UGT2B11: variants seen among roughly 807,000 people sequenced by gnomAD.
UGT2B11 encodes UDP glucuronosyltransferase family 2 member B11.
UGT2B11 carries 49 observed loss-of-function variants against 51.7 expected under a neutral mutation model. The ratio of observed to expected loss-of-function variants is 0.95; its 90% CI spans 0.75 to 1.20. The LOEUF (loss-of-function observed/expected upper bound fraction) is 1.20, where lower values mean the gene tolerates loss of function less well. Among genes scored for constraint, UGT2B11 ranks in the 50% most tolerant of loss-of-function variants. UGT2B11 has a pLI of 0.00. For synonymous variants in UGT2B11, 273 were observed against 209.0 expected, an observed-to-expected ratio of 1.31 and a Z score of -2.64; for missense variants, 810 against 622.1, an observed-to-expected ratio of 1.30 and a Z score of -3.21.
chr4:69,202,362 G>A lies in UGT2B11; in HGVS notation c.1311-1643C>T, dbSNP rs150541367. On this transcript the variant is annotated intron_variant, in intron 5 of 5. Transcript: ENST00000446444. ...TTACTTCTTGACTGTAAATTTTTTT[G>A]AAGTGTATTTTGTTAATTTCCAAAA... Among the ~76,000 whole-genome samples the A allele has an allele frequency of 7.1e-3, 1,070 of 151,708 alleles. 12 individuals are homozygous for A. Among genetic ancestry groups the A allele is most frequent in the African/African-American group, 0.024 (991 of 41,482 alleles).
upstream of UGT2B11, among the ~76,000 whole-genome samples, chr4:69,218,068 C>T (rs1297592760): frequency 2.0e-5 from 3 of 152,136 alleles, no homozygotes; most frequent in Admixed American, 2.0e-4. Flanking sequence ...CTTTGGAGCA[C>T]TCAAACATTC....
chr4:69,209,524 T>A (rs1414306340), intron 2 of UGT2B11, among the ~76,000 whole-genome samples: 6 of 151,746 alleles, frequency 4.0e-5, no homozygotes, highest in Non-Finnish European at 7.4e-5. Flanking sequence ...TTAAGTATTT[T>A]CAGATTTAAT....
the UGT2B11 span, among the ~76,000 whole-genome samples, chr4:69,220,935 T>A: frequency 6.6e-6 from 1 of 152,168 alleles, no homozygotes; most frequent in Non-Finnish European, 1.5e-5. Context: ...TTCCATGTCA[T>A]CATTTAATTC....
chr4:69,220,519 A>G, the UGT2B11 span, among the ~76,000 whole-genome samples: 54 of 150,156 alleles, frequency 3.6e-4, no homozygotes, highest in African/African-American at 1.3e-3. Context: ...TTTCTTCATG[A>G]TTGTCTCAAC....
At position 69,200,614 on chromosome 4, in the gene UGT2B11, T is replaced by C. The variant is rs1312985484; in HGVS notation, c.1416A>G (p.Gly472=). The change falls in exon 6 of 6, where the codon GGA becomes GGG. Residue 472 remains glycine (G), a synonymous_variant. Transcript: ENST00000446444. The part of the protein sequence containing the change: ...FWIEFVMPHK[G]AKHLRVAAHD... ...GGGCTGCAACTCGAAGGTGTTTGGC[T>C]CCTTTGTGGGGCATGACAAATTCAA... is the stretch of plus-strand genomic sequence containing the variant. 3.7e-6 allele frequency: 6 copies of C among 1,612,464 alleles called. 2 individuals are homozygous for C. The South Asian group carries it at 6.6e-5, about 18-fold the overall frequency.
In UGT2B11 at chr4:69,205,521, T is replaced by C. The variant is rs752134479; in HGVS notation, c.1049A>G (p.Asn350Ser). 14 of 1,610,618 alleles carry C rather than the reference T, an allele frequency of 8.7e-6. No individual in the cohort carries two copies. Among genetic ancestry groups the C allele is most frequent in the South Asian group, 1.1e-5 (1 of 90,982 alleles). The change falls in exon 4 of 6, where the codon AAT (asparagine) becomes AGT (serine). Residue 350 changes from asparagine (N) to serine (S), a missense_variant. Coordinates refer to ENST00000446444, the MANE Select transcript of UGT2B11 (RefSeq NM_001073.3). The part of the protein sequence containing the change: ...DGNKPDALGL[N>S]TRLYKWIPQN... ...GGGTATCCACTTGTACAGCCGAGTA[T>C]TGAGACCTAAGGCATCTGGTTTATT...
chr4:69,200,559 A>T lies in UGT2B11; in HGVS notation c.1471T>A (p.Leu491Met). ...HDLTWFQYHS[L>M]DVIGFLLACV... ...GCCAGCAGAAACCCAATCACATCCA[A>T]AGAGTGGTACTGGAACCAGGTGAGG... Residue 491 changes from leucine to methionine, a missense_variant, in exon 6 of 6, where the codon TTG becomes ATG. Coordinates refer to ENST00000446444, the MANE Select transcript of UGT2B11 (RefSeq NM_001073.3). 1.2e-6 allele frequency: 2 copies of T among 1,612,374 alleles called. No individual in the cohort carries two copies. Among genetic ancestry groups the T allele is most frequent in the Non-Finnish European group, 1.7e-6 (2 of 1,178,974 alleles).
At chr4:69,209,733 G>A (rs529660818) in intron 2 of UGT2B11, among the ~76,000 whole-genome samples, 46 of 151,572 alleles carry the variant, frequency 3.0e-4, no homozygotes, top group African/African-American at 1.1e-3. Context: ...GTTACCTGTA[G>A]CCACATTTAA....
At chr4:69,212,855 A>G (rs1722125786) in intron 1 of UGT2B11, 134 bp from the exon 2 acceptor site, 2 of 728,334 alleles carry the variant, frequency 2.7e-6, no homozygotes, top group Non-Finnish European at 3.7e-6. Flanking sequence ...ATAAATATAT[A>G]TGAATAATAT....
At position 69,214,728 on chromosome 4, in the gene UGT2B11, T is replaced by G; in HGVS notation, c.-6A>C. ...GAAGTCCATTTCAGAGTCATCCTGG[T>G]GCAATGCGATCATTCTTTTCCAGTC... On this transcript the variant is annotated 5_prime_UTR_variant, in exon 1 of 6. Transcript: ENST00000446444. 1.9e-6 allele frequency: 3 copies of G among 1,609,466 alleles called. No individual in the cohort carries two copies. Among genetic ancestry groups the G allele is most frequent in the Middle Eastern group, 3.3e-4 (2 of 6,020 alleles).
At chr4:69,219,498 C>T (rs1447254463), upstream of UGT2B11, among the ~76,000 whole-genome samples, 1 of 151,200 alleles carries the variant, frequency 6.6e-6, no homozygotes, top group Non-Finnish European at 1.5e-5. Flanking sequence ...GTTTATGATA[C>T]TGTACTAGCG....
intron 2 of UGT2B11, among the ~76,000 whole-genome samples, chr4:69,208,710 C>T (rs920053635): frequency 6.6e-6 from 1 of 151,436 alleles, no homozygotes; most frequent in African/African-American, 2.4e-5. Context: ...ATGTATGTGT[C>T]TGCATGTGTG....
At chr4:69,206,123 G>A (rs4406085) in intron 3 of UGT2B11, among the ~76,000 whole-genome samples, 119,777 of 150,764 alleles carry the variant, frequency 0.79, 47,734 homozygotes, top group Non-Finnish European at 0.82. Flanking sequence ...CCCATTACTG[G>A]GTATATAAGC....
intron 4 of UGT2B11, 37 bp downstream of exon 4, chr4:69,205,443 T>C (rs753162187): frequency 5.6e-6 from 9 of 1,596,040 alleles, no homozygotes; most frequent in Admixed American, 1.7e-5. Context: ...AATGTGCAGT[T>C]ACTAATATAT....
the UGT2B11 span, among the ~76,000 whole-genome samples, chr4:69,222,492 A>G: frequency 2.0e-5 from 3 of 152,242 alleles, no homozygotes; most frequent in African/African-American, 7.2e-5. Context: ...AAGTATCCCA[A>G]TGAGGGTCTA....
At position 69,203,708 on chromosome 4, in the gene UGT2B11, AAAC is replaced by A. The variant is rs545243447; in HGVS notation, c.1310+719_1310+721del. 1.9e-3 allele frequency among the ~76,000 whole-genome samples: 286 copies of A among 151,898 alleles called. 4 individuals are homozygous for A. Among genetic ancestry groups the A allele is most frequent in the African/African-American group, 6.7e-3 (279 of 41,518 alleles). On this transcript the variant is annotated intron_variant, in intron 5 of 5. Transcript: ENST00000446444. Reference sequence around the variant, plus strand: ...ATGAAGTAAAATAAAAACCATAAGAAAACAACAAAAAATTAGGCTATGTGAAAT... The same window carrying A: ...ATGAAGTAAAATAAAAACCATAAGAAAACAAAAAATTAGGCTATGTGAAAT...
the UGT2B11 span, among the ~76,000 whole-genome samples, chr4:69,222,993 C>A: frequency 1.3e-5 from 2 of 152,106 alleles, no homozygotes; most frequent in Non-Finnish European, 2.9e-5. Flanking sequence ...GCCCTCTGTC[C>A]TTTGGGCAAA....
intron 1 of UGT2B11, among the ~76,000 whole-genome samples, chr4:69,213,146 CT>C (rs1722139065): frequency 1.4e-5 from 2 of 147,008 alleles, no homozygotes; most frequent in East Asian, 3.9e-4. Context: ...TAAGCTAATC[CT>C]TTTATCTTTG....
upstream of UGT2B11, among the ~76,000 whole-genome samples, chr4:69,218,413 T>C (rs144369477): frequency 6.6e-6 from 1 of 152,092 alleles, no homozygotes; most frequent in African/African-American, 2.4e-5. Context: ...ATTATGATGG[T>C]AATCTTTTGA....
Sources: gnomAD v4.1 joint callset for allele counts (sites outside exome capture counted in the v4.1 genomes callset) on GRCh38, gnomAD v4.1.1 for gene constraint, MANE v1.5 for transcripts, NCBI Gene and HGNC (gene_info 2026-07-23, HGNC 2026-07-21) for gene names.